LRCH1: variants seen among roughly 807,000 people sequenced by gnomAD.
LRCH1 encodes the protein leucine-rich repeat and calponin homology domain-containing protein 1.
In LRCH1, 23 loss-of-function variants were observed where a neutral mutation model predicts 94.9. That is an observed-to-expected ratio of 0.24 (90% confidence interval 0.17 to 0.34). The LOEUF is 0.34. Among genes scored for constraint, LRCH1 ranks in the 10% least tolerant of loss-of-function variants. The pLI is 1.00. For missense variants in LRCH1, 790 were observed against 945.9 expected, an observed-to-expected ratio of 0.84 and a Z score of 2.16; for synonymous variants, 364 against 354.9, an observed-to-expected ratio of 1.03 and a Z score of -0.29.
downstream of LRCH1, among the ~76,000 whole-genome samples, chr13:46,748,824 A>G (rs764267354): frequency 3.0e-4 from 45 of 152,230 alleles, 1 homozygote; most frequent in African/African-American, 6.5e-4. Context: ...TTCTGTTGAC[A>G]GGGGGCCATC....
In LRCH1 at chr13:46,743,255, C is replaced by T. The variant is rs1475416206; in HGVS notation, c.*1407C>T. On this transcript the variant is annotated 3_prime_UTR_variant, in exon 20 of 20. Coordinates refer to ENST00000389797, the MANE Select transcript of LRCH1 (RefSeq NM_001164211.2). The stretch of plus-strand genomic sequence containing the variant: ...TGAACATTTTCATGAATCCAGGGGA[C>T]TTGAAAATATGGAAGACCCACATAG... 2 of 985,496 alleles carry T rather than the reference C, an allele frequency of 2.0e-6. No homozygotes were observed. The highest frequency in any genetic ancestry group is 1.1e-4 in the East Asian group (1 of 8,822). 61.0% of individuals were successfully genotyped at this position (985,496 alleles called of 1,614,324 possible).
At position 46,742,546 on chromosome 13, in the gene LRCH1, G is replaced by A. The variant is rs1043806844; in HGVS notation, c.*698G>A. The A allele has an allele frequency of 1.0e-6, 1 of 985,454 alleles. No individual in the cohort carries two copies. Among genetic ancestry groups the A allele is most frequent in the Admixed American group, 6.1e-5 (1 of 16,276 alleles). The allele number at this position is 985,454 out of a possible 1,614,324, so 61.0% of individuals were successfully genotyped here. On this transcript the variant is annotated 3_prime_UTR_variant, in exon 20 of 20. Coordinates refer to ENST00000389797, the MANE Select transcript of LRCH1 (RefSeq NM_001164211.2). ...AGAAGGGCGCTCAAGGGAAGGAAGT[G>A]TCGTTGCTGTTAGAGCCTCACGTGG...
intron 11 of LRCH1, among the ~76,000 whole-genome samples, chr13:46,703,576 G>C (rs981864905): frequency 5.3e-5 from 8 of 152,160 alleles, no homozygotes; most frequent in Admixed American, 2.6e-4. Context: ...ATTTGGGGTA[G>C]AGAATGAGGG....
At chr13:46,649,943 G>A (rs912696487) in intron 1 of LRCH1, among the ~76,000 whole-genome samples, 1 of 152,018 alleles carries the variant, frequency 6.6e-6, no homozygotes, top group African/African-American at 2.4e-5. Context: ...ATAATTTTTA[G>A]TTACAGTAAA....
At chr13:46,590,849 A>C (rs1050453160) in intron 1 of LRCH1, among the ~76,000 whole-genome samples, 2 of 152,136 alleles carry the variant, frequency 1.3e-5, no homozygotes, top group Non-Finnish European at 2.9e-5. Flanking sequence ...GTCTTCATAT[A>C]TTCCCAAGTG....
chr13:46,628,674 A>AC (rs1215650527), intron 1 of LRCH1, among the ~76,000 whole-genome samples: 1 of 151,604 alleles, frequency 6.6e-6, no homozygotes, highest in Non-Finnish European at 1.5e-5. Flanking sequence ...AAAAAAAAAA[A>AC]AAAAACACAA....
At chr13:46,674,278 T>A (rs144697508) in intron 3 of LRCH1, among the ~76,000 whole-genome samples, 127 of 152,358 alleles carry the variant, frequency 8.3e-4, no homozygotes, top group African/African-American at 3.0e-3. Flanking sequence ...TATAAGATCT[T>A]TTTTTAATGC....
intron 8 of LRCH1, among the ~76,000 whole-genome samples, chr13:46,694,281 G>T (rs1871061363): frequency 6.6e-6 from 1 of 152,114 alleles, no homozygotes; most frequent in East Asian, 1.9e-4. Flanking sequence ...GAAGAGTTCT[G>T]CAGGGTGTTC....
rs781688502 is a variant in LRCH1, at chr13:46,733,930, A to G, written c.2017A>G (p.Ser673Gly). The G allele has an allele frequency of 6.3e-7, 1 of 1,598,906 alleles. No homozygotes were observed. The highest frequency in any genetic ancestry group is 1.7e-5 in the Admixed American group (1 of 58,384). The part of the protein sequence containing the change: ...HVPSPAVPKL[S>G]MAKCRRNVEN... ...ATATTTGCATTTATAGCCCAAACTTAGCATGGCCAAATGCAGAAGAAATGT... is the reference window on the plus strand; with the variant it reads ...ATATTTGCATTTATAGCCCAAACTTGGCATGGCCAAATGCAGAAGAAATGT... Residue 673 changes from serine (S) to glycine (G), a missense_variant, in exon 19 of 20, where the codon AGC becomes GGC. Around this residue, in one of 3 missense-constraint regions of LRCH1, gnomAD observed 460 missense variants for 508.9 expected, o/e 0.90. Coordinates refer to ENST00000389797, the MANE Select transcript of LRCH1 (RefSeq NM_001164211.2).
chr13:46,619,648 C>T (rs1313378886), intron 1 of LRCH1, among the ~76,000 whole-genome samples: 1 of 152,108 alleles, frequency 6.6e-6, no homozygotes, highest in East Asian at 1.9e-4. Context: ...AGAAATCACA[C>T]GCGAAGCTCT....
Position 46,633,787 on chromosome 13 carries a change from C to T in LRCH1, c.308-16414C>T, listed in dbSNP as rs149872058. On this transcript the variant is annotated intron_variant, in intron 1 of 19. Transcript: ENST00000389797. ...TCAACATACTCTCTACTTGGTTGCT[C>T]CATAGATACCCTAAGTCAAGGCATG... 5.1e-3 allele frequency among the ~76,000 whole-genome samples: 784 copies of T among 152,236 alleles called. 8 individuals are homozygous for T. The highest frequency in any genetic ancestry group is 0.018 in the African/African-American group (737 of 41,520).
chr13:46,715,548 G>C lies in LRCH1; in HGVS notation c.1655-12G>C, dbSNP rs771350433. The C allele has an allele frequency of 6.6e-7, 1 of 1,508,684 alleles. No homozygotes were observed. Among genetic ancestry groups the C allele is most frequent in the African/African-American group, 1.4e-5 (1 of 72,362 alleles). 93.5% of individuals were successfully genotyped at this position (1,508,684 alleles called of 1,614,324 possible). A position where few individuals can be genotyped will look rare whatever the true frequency, so the allele number is the denominator to read the frequency against. Reference sequence around the variant, plus strand: ...CAACTGTACGCGGACTGGCTCTCTGGCTCCCCTGCAGACCCAGCCCTCATT... The same window carrying C: ...CAACTGTACGCGGACTGGCTCTCTGCCTCCCCTGCAGACCCAGCCCTCATT... On this transcript the variant is annotated splice_polypyrimidine_tract_variant and intron_variant, in intron 15 of 19. Coordinates refer to ENST00000389797, the MANE Select transcript of LRCH1 (RefSeq NM_001164211.2).
At chr13:46,658,973 G>T (rs78304509) in intron 2 of LRCH1, among the ~76,000 whole-genome samples, 1,978 of 152,174 alleles carry the variant, frequency 0.013, 39 homozygotes, top group African/African-American at 0.045. Flanking sequence ...GGTATGCAGG[G>T]TTATAGTAAG....
chr13:46,751,072 CGA>C (rs1413679135), exon 19 of LRCH1: 1 of 152,738 alleles, frequency 6.5e-6, no homozygotes, highest in African/African-American at 2.4e-5. Flanking sequence ...CCAAATTTTT[CGA>C]GAGGTTTCTT....
At chr13:46,668,995 T>G (rs1403404596) in intron 2 of LRCH1, 35 bp from the exon 3 acceptor site, 1 of 1,611,762 alleles carries the variant, frequency 6.2e-7, no homozygotes, top group Non-Finnish European at 8.5e-7. Flanking sequence ...GTGGCCTTTC[T>G]GTTTACATGT....
chr13:46,743,531 CT>C lies in LRCH1; in HGVS notation c.*1686del. The C allele has an allele frequency of 1.0e-6, 1 of 985,828 alleles. No homozygotes were observed. The highest frequency in any genetic ancestry group is 4.7e-5 in the South Asian group (1 of 21,288). The allele number at this position is 985,828 out of a possible 1,614,324, so 61.1% of individuals were successfully genotyped here. ...TTCAATCTGTAACACAATAAAATCCCTTTGTACGATGTCTAATGAGCACCCT... is the reference window on the plus strand; with the variant it reads ...TTCAATCTGTAACACAATAAAATCCCTTGTACGATGTCTAATGAGCACCCT... On this transcript the variant is annotated 3_prime_UTR_variant, in exon 20 of 20. Transcript: ENST00000389797.
chr13:46,712,741 A>G (rs769958913), intron 15 of LRCH1, 144 bp downstream of exon 15: 63 of 694,406 alleles, frequency 9.1e-5, no homozygotes, highest in Non-Finnish European at 1.3e-4. Flanking sequence ...GGGAGGCCAG[A>G]GTTTGTAGCT....
intron 1 of LRCH1, among the ~76,000 whole-genome samples, chr13:46,634,481 A>C (rs2051059076): frequency 6.6e-6 from 1 of 152,146 alleles, no homozygotes; most frequent in Non-Finnish European, 1.5e-5. Flanking sequence ...CACAGTTCTC[A>C]AAGAGCTATT....
intron 1 of LRCH1, among the ~76,000 whole-genome samples, chr13:46,606,145 C>T (rs2050684058): frequency 1.8e-5 from 2 of 108,990 alleles, no homozygotes; most frequent in South Asian, 6.4e-4. Context: ...TAATTTTAAC[C>T]TTATGTGTGT....
Sources: gnomAD v4.1 joint callset for allele counts (sites outside exome capture counted in the v4.1 genomes callset) on GRCh38, gnomAD v4.1.1 for gene constraint, gnomAD v4.1.1 regional missense constraint, MANE v1.5 for transcripts, NCBI Gene and HGNC (gene_info 2026-07-23, HGNC 2026-07-21) for gene names.